Variants in ZNF804B observed in about 807,000 individuals in gnomAD.
ZNF804B encodes the protein zinc finger protein 804B.
A neutral mutation model predicts 101.4 loss-of-function variants in ZNF804B; 80 were observed. The observed-to-expected ratio is 0.79, with a 90% confidence interval of 0.66 to 0.95. The LOEUF is 0.95. Ranked by LOEUF, ZNF804B falls within the 40% of genes least tolerant of loss-of-function variation. The pLI is 0.00. For missense variants in ZNF804B, 1,673 were observed against 1,561.9 expected (o/e 1.07, Z -1.20); for synonymous variants, 622 against 558.8 (o/e 1.11, Z -1.59).
At chr7:89,331,492 C>T (rs562092342) in intron 3 of ZNF804B, among the ~76,000 whole-genome samples, 217 of 151,598 alleles carry the variant, frequency 1.4e-3, no homozygotes, top group African/African-American at 4.9e-3. Flanking sequence ...AAGAACTTTC[C>T]GTTATGAAAG....
At chr7:89,119,531 A>G (rs1024258900) in intron 1 of ZNF804B, among the ~76,000 whole-genome samples, 3 of 152,182 alleles carry the variant, frequency 2.0e-5, no homozygotes, top group Non-Finnish European at 4.4e-5. Flanking sequence ...CATAGTCAAA[A>G]TAAATCAATA....
At chr7:89,189,709 C>G (rs959381066) in intron 1 of ZNF804B, among the ~76,000 whole-genome samples, 1 of 152,140 alleles carries the variant, frequency 6.6e-6, no homozygotes, top group Non-Finnish European at 1.5e-5. Flanking sequence ...AGCGGGGAAG[C>G]AGATTGTGAC....
intron 1 of ZNF804B, among the ~76,000 whole-genome samples, chr7:88,789,560 T>G (rs2115679437): frequency 6.6e-6 from 1 of 152,238 alleles, no homozygotes; most frequent in East Asian, 1.9e-4. Context: ...ACTTTTTGGG[T>G]TCTCTCTGTA....
Position 89,171,352 on chromosome 7 carries a change from CTTCT to C in ZNF804B, c.109-46801_109-46798del, listed in dbSNP as rs1562904558. On this transcript the variant is annotated intron_variant, in intron 1 of 3. Transcript: ENST00000333190. The stretch of plus-strand genomic sequence containing the variant: ...TCTTCTTCTTCTTCTTCTTCTTCTT[CTTCT>C]TCCTCCTCTTCCTCTTCTTCCTCTT... 1.7e-4 allele frequency among the ~76,000 whole-genome samples: 22 copies of C among 128,418 alleles called. 1 individual carries two copies. Among genetic ancestry groups the C allele is most frequent in the Admixed American group, 1.5e-4 (2 of 13,204 alleles). 84.2% of individuals were successfully genotyped at this position (128,418 alleles called of 152,430 possible).
intron 1 of ZNF804B, among the ~76,000 whole-genome samples, chr7:89,149,124 C>T (rs1406758034): frequency 1.3e-5 from 2 of 152,068 alleles, no homozygotes; most frequent in African/African-American, 4.8e-5. Flanking sequence ...TGGCATGAAC[C>T]TTTCATTTTG....
At chr7:89,107,845 G>A (rs953453642) in intron 1 of ZNF804B, among the ~76,000 whole-genome samples, 2 of 152,134 alleles carry the variant, frequency 1.3e-5, no homozygotes, top group African/African-American at 4.8e-5. Flanking sequence ...GCGGCATGGG[G>A]GGTATTCTCT....
chr7:88,980,334 C>A (rs1013177186), intron 1 of ZNF804B, among the ~76,000 whole-genome samples: 2 of 151,962 alleles, frequency 1.3e-5, no homozygotes, highest in Non-Finnish European at 2.9e-5. Flanking sequence ...TTTTTGAGTT[C>A]ATGTGTTCCT....
At chr7:89,114,803 C>A (rs533173767) in intron 1 of ZNF804B, among the ~76,000 whole-genome samples, 1 of 152,092 alleles carries the variant, frequency 6.6e-6, no homozygotes, top group Non-Finnish European at 1.5e-5. Context: ...AGTGCTGAAA[C>A]CAGGAAAGGT....
intron 1 of ZNF804B, among the ~76,000 whole-genome samples, chr7:89,065,750 A>G (rs1789447061): frequency 6.6e-6 from 1 of 152,054 alleles, no homozygotes; most frequent in Non-Finnish European, 1.5e-5. Context: ...GGCTGCCTGC[A>G]TTCCCAGGGT....
chr7:88,761,739 A>G (rs1298288757), intron 1 of ZNF804B, among the ~76,000 whole-genome samples: 1 of 152,314 alleles, frequency 6.6e-6, no homozygotes, highest in East Asian at 1.9e-4. Context: ...TTTGTGCCTT[A>G]AGACTTCTCA....
intron 1 of ZNF804B, among the ~76,000 whole-genome samples, chr7:89,115,100 T>C (rs1258295895): frequency 3.9e-5 from 6 of 151,916 alleles, no homozygotes; most frequent in Admixed American, 6.6e-5. Flanking sequence ...AAATGCATAA[T>C]AGAACATAGA....
rs554668888 is a variant in ZNF804B, at chr7:88,773,543, A to G, written c.108+13459A>G. 1.3e-4 allele frequency among the ~76,000 whole-genome samples: 20 copies of G among 152,346 alleles called. No individual in the cohort carries two copies. In the South Asian group the frequency reaches 3.9e-3, roughly 30 times the overall value. ...TGTGGGAAGAGCAGATATGTTTTAC[A>G]TAAACCAAATAATACTGGGAAGTAA... On this transcript the variant is annotated intron_variant, in intron 1 of 3. Transcript: ENST00000333190.
intron 1 of ZNF804B, among the ~76,000 whole-genome samples, chr7:88,987,321 T>C (rs1043020687): frequency 7.2e-5 from 11 of 152,094 alleles, no homozygotes; most frequent in African/African-American, 2.2e-4. Context: ...AGAAAGAAAA[T>C]AACTATGTCC....
At chr7:89,026,205 G>A (rs1361321357) in intron 1 of ZNF804B, among the ~76,000 whole-genome samples, 1 of 152,078 alleles carries the variant, frequency 6.6e-6, no homozygotes, top group Non-Finnish European at 1.5e-5. Flanking sequence ...TAACAAAATT[G>A]GCAATAGTAA....
intron 1 of ZNF804B, among the ~76,000 whole-genome samples, chr7:88,979,270 G>A (rs1463887528): frequency 1.3e-5 from 2 of 151,900 alleles, no homozygotes; most frequent in Non-Finnish European, 2.9e-5. Context: ...AATATCATCA[G>A]TAAGTTTTGT....
chr7:88,946,531 C>A (rs908324587), intron 1 of ZNF804B, among the ~76,000 whole-genome samples: 3 of 148,110 alleles, frequency 2.0e-5, no homozygotes, highest in Non-Finnish European at 3.0e-5. Flanking sequence ...CGATGTTCAT[C>A]AGGGATATTG....
At chr7:88,922,408 A>G (rs747293432) in intron 1 of ZNF804B, among the ~76,000 whole-genome samples, 20 of 152,060 alleles carry the variant, frequency 1.3e-4, no homozygotes, top group Non-Finnish European at 2.5e-4. Context: ...ACTAAAGTTT[A>G]CATTTGAATT....
intron 2 of ZNF804B, among the ~76,000 whole-genome samples, chr7:89,306,214 A>G (rs1790559241): frequency 6.6e-6 from 1 of 152,046 alleles, no homozygotes; most frequent in African/African-American, 2.4e-5. Context: ...AGTTAATTGC[A>G]TAATCATATT....
At chr7:89,191,595 C>T (rs1216772663) in intron 1 of ZNF804B, among the ~76,000 whole-genome samples, 2 of 152,058 alleles carry the variant, frequency 1.3e-5, no homozygotes, top group Non-Finnish European at 2.9e-5. Flanking sequence ...CCCACTGAAG[C>T]AGTTGTTATA....
Sources: gnomAD v4.1 joint callset for allele counts (sites outside exome capture counted in the v4.1 genomes callset) on GRCh38, gnomAD v4.1.1 for gene constraint, MANE v1.5 for transcripts, NCBI Gene and HGNC (gene_info 2026-07-23, HGNC 2026-07-21) for gene names.